The following EVA1A variants were observed in gnomAD, a reference collection of about 807,000 sequenced individuals.
EVA1A encodes protein eva-1 homolog A.
EVA1A carries 7 observed loss-of-function variants against 9.8 expected under a neutral mutation model. The observed-to-expected ratio is 0.71, with a 90% CI of 0.41 to 1.34. EVA1A has a LOEUF of 1.34. Among genes scored for constraint, EVA1A ranks in the 40% most tolerant of loss-of-function variants. The pLI is 0.01. For missense variants in EVA1A, 206 were observed against 205.9 expected, an observed-to-expected ratio of 1.00 and a Z score of 0.00; for synonymous variants, 90 against 85.6, an observed-to-expected ratio of 1.05 and a Z score of -0.28.
rs142275329 is a variant in EVA1A, at chr2:75,493,539, A to G, written c.156T>C (p.Ala52=). Residue 52 remains alanine (A), a synonymous_variant, in exon 4 of 4, where the codon GCT becomes GCC. Transcript: ENST00000393913. ...TGTGGCAAGAGATCCTTATCACCAG[A>G]GCAGCCAGGGTCAGCACCAGCCCGA... ...VCIGLVLTLA[A]LVIRISCHTD... 169 of 1,614,026 alleles carry G rather than the reference A, an allele frequency of 1.0e-4. No homozygotes were observed. Among genetic ancestry groups the G allele is most frequent in the Non-Finnish European group, 1.4e-4 (161 of 1,180,028 alleles).
chr2:75,540,106 T>C (rs1676057950), intron 1 of EVA1A, among the ~76,000 whole-genome samples: 1 of 152,162 alleles, frequency 6.6e-6, no homozygotes. Context: ...AAACCATAGG[T>C]ATGGAGCCTG....
chr2:75,535,233 C>T (rs1482850842), intron 1 of EVA1A, among the ~76,000 whole-genome samples: 5 of 146,926 alleles, frequency 3.4e-5, no homozygotes, highest in Non-Finnish European at 7.4e-5. Context: ...TGAGATATCA[C>T]TTATCCTTAC....
intron 1 of EVA1A, among the ~76,000 whole-genome samples, chr2:75,524,478 G>A (rs1264597418): frequency 6.6e-6 from 1 of 151,762 alleles, no homozygotes; most frequent in Non-Finnish European, 1.5e-5. Flanking sequence ...AACTCCCAAA[G>A]CACTCCAACC....
intron 3 of EVA1A, among the ~76,000 whole-genome samples, chr2:75,506,360 T>C (rs1674621039): frequency 6.6e-6 from 1 of 152,230 alleles, no homozygotes; most frequent in African/African-American, 2.4e-5. Context: ...TGAAAAGTGT[T>C]ACACTAATTT....
At chr2:75,510,777 A>G (rs1390001828) in intron 3 of EVA1A, among the ~76,000 whole-genome samples, 1 of 152,252 alleles carries the variant, frequency 6.6e-6, no homozygotes, top group Non-Finnish European at 1.5e-5. Flanking sequence ...AAAGAGTATT[A>G]AGAAAAAGAT....
At chr2:75,542,707 A>G (rs937040860) in intron 1 of EVA1A, 3 of 152,208 alleles carry the variant, frequency 2.0e-5, no homozygotes, top group African/African-American at 4.8e-5. Context: ...TGTGCATTTC[A>G]TATGTTTCCA....
chr2:75,519,005 A>C (rs1675139736), intron 2 of EVA1A, among the ~76,000 whole-genome samples: 1 of 152,218 alleles, frequency 6.6e-6, no homozygotes, highest in Non-Finnish European at 1.5e-5. Context: ...CATGGCCCAG[A>C]CTGCCCATCC....
intron 1 of EVA1A, among the ~76,000 whole-genome samples, chr2:75,567,849 C>A (rs1677056430): frequency 6.6e-6 from 1 of 152,130 alleles, no homozygotes; most frequent in South Asian, 2.1e-4. Context: ...AGTTTGGGAT[C>A]TACTGTAGAT....
At chr2:75,548,028 T>G (rs1159755747) in intron 1 of EVA1A, among the ~76,000 whole-genome samples, 1 of 152,250 alleles carries the variant, frequency 6.6e-6, no homozygotes, top group African/African-American at 2.4e-5. Flanking sequence ...ACAGAAAAAG[T>G]CTGCCAGGCC....
intron 3 of EVA1A, among the ~76,000 whole-genome samples, chr2:75,496,811 A>G (rs887545321): frequency 6.6e-6 from 1 of 152,346 alleles, no homozygotes; most frequent in Non-Finnish European, 1.5e-5. Context: ...ACAGTAAGCA[A>G]ACAGTATGGT....
intron 1 of EVA1A, among the ~76,000 whole-genome samples, chr2:75,532,053 G>A (rs565380119): frequency 6.6e-5 from 10 of 150,898 alleles, no homozygotes; most frequent in South Asian, 2.1e-4. Context: ...CCACCTACTC[G>A]GGAGGCTGAG....
Position 75,558,870 on chromosome 2 carries a change from T to C in EVA1A, c.-192+1810A>G, listed in dbSNP as rs576079186. On this transcript the variant is annotated intron_variant, in intron 1 of 3. Coordinates refer to ENST00000393913, the MANE Select transcript of EVA1A (RefSeq NM_001135032.2). The stretch of plus-strand genomic sequence containing the variant: ...ATGCAGAGGAATTACCTTCAGTGCT[T>C]GTAAAACACCTGCAGATTCCCAATT... Among the ~76,000 whole-genome samples the C allele has an allele frequency of 5.3e-4, 80 of 152,338 alleles. 1 individual carries two copies. In the South Asian group the frequency reaches 0.015, roughly 29 times the overall value.
intron 1 of EVA1A, among the ~76,000 whole-genome samples, chr2:75,553,315 T>C (rs1676589904): frequency 6.6e-6 from 1 of 152,246 alleles, no homozygotes; most frequent in African/African-American, 2.4e-5. Flanking sequence ...TTTAGGGTAG[T>C]ACAACATTCA....
intron 1 of EVA1A, among the ~76,000 whole-genome samples, chr2:75,533,560 C>T (rs1675756331): frequency 6.6e-6 from 1 of 152,120 alleles, no homozygotes; most frequent in African/African-American, 2.4e-5. Context: ...TAGGTAAATA[C>T]AATAGGCTTT....
chr2:75,552,307 A>G (rs1328700769), intron 1 of EVA1A, among the ~76,000 whole-genome samples: 3 of 152,158 alleles, frequency 2.0e-5, no homozygotes, highest in Non-Finnish European at 4.4e-5. Context: ...CAAACTCAAC[A>G]TATCTGAAAC....
chr2:75,504,418 C>CAAAA (rs1674537783), intron 3 of EVA1A, among the ~76,000 whole-genome samples: 1 of 152,202 alleles, frequency 6.6e-6, no homozygotes, highest in African/African-American at 2.4e-5. Flanking sequence ...CTCAAACAAA[C>CAAAA]AAACAAACAA....
At chr2:75,568,992 C>A (rs1031526564) in intron 1 of EVA1A, among the ~76,000 whole-genome samples, 4 of 152,070 alleles carry the variant, frequency 2.6e-5, no homozygotes, top group Non-Finnish European at 5.9e-5. Context: ...GGGTAGATAA[C>A]CAGTAGTGGG....
At chr2:75,541,402 A>G (rs1676112418) in intron 1 of EVA1A, among the ~76,000 whole-genome samples, 1 of 152,204 alleles carries the variant, frequency 6.6e-6, no homozygotes, top group Non-Finnish European at 1.5e-5. Flanking sequence ...AGACAATCAA[A>G]AGCTAGTCCT....
chr2:75,567,720 C>T (rs1391232950), intron 1 of EVA1A, among the ~76,000 whole-genome samples: 1 of 152,222 alleles, frequency 6.6e-6, no homozygotes, highest in African/African-American at 2.4e-5. Flanking sequence ...TCTAATCAAA[C>T]CAACTGGATG....
Sources: gnomAD v4.1 joint callset for allele counts (sites outside exome capture counted in the v4.1 genomes callset) on GRCh38, gnomAD v4.1.1 for gene constraint, MANE v1.5 for transcripts, NCBI Gene and HGNC (gene_info 2026-07-23, HGNC 2026-07-21) for gene names.